Variants in TSC22D1 observed in about 807,000 individuals in gnomAD.
The protein encoded by TSC22D1 is TSC22 domain family protein 1.
In TSC22D1, 9 loss-of-function variants were observed where a neutral mutation model predicts 74.2. The observed-to-expected ratio is 0.12, with a 90% confidence interval of 0.07 to 0.21. The LOEUF (loss-of-function observed/expected upper bound fraction) is 0.21, where lower values mean the gene tolerates loss of function less well. TSC22D1 is among the 10% of genes least tolerant of loss of function. The probability of loss-of-function intolerance (pLI) is 1.00; values close to 1 mark genes in which losing one functional copy is unlikely to be tolerated. For missense variants in TSC22D1, 1,427 were observed against 1,304.7 expected (o/e 1.09, Z -1.44); for synonymous variants, 586 against 492.5 (o/e 1.19, Z -2.51).
At chr13:44,559,529 AC>A (rs1238502886) in intron 1 of TSC22D1, among the ~76,000 whole-genome samples, 4 of 151,970 alleles carry the variant, frequency 2.6e-5, no homozygotes, top group African/African-American at 9.7e-5. Context: ...AAAAAAATTA[AC>A]TTTTTTTTTC....
chr13:44,501,562 C>CCAGAGGCTA (rs148638350), intron 1 of TSC22D1, among the ~76,000 whole-genome samples: 4,242 of 152,114 alleles, frequency 0.028, 180 homozygotes, highest in African/African-American at 0.094. Flanking sequence ...GAGGCTAGGC[C>CCAGAGGCTA]GGGTGGAGGG....
At chr13:44,491,563 AAAAAAAG>A (rs1878724520) in intron 1 of TSC22D1, among the ~76,000 whole-genome samples, 1 of 151,910 alleles carries the variant, frequency 6.6e-6, no homozygotes, top group South Asian at 2.1e-4. Context: ...CAAAAAAAAA[AAAAAAAG>A]AAAAAAGAAA....
intron 1 of TSC22D1, among the ~76,000 whole-genome samples, chr13:44,526,078 G>C (rs1445455823): frequency 6.6e-6 from 1 of 152,098 alleles, no homozygotes; most frequent in Non-Finnish European, 1.5e-5. Context: ...CTCCAGCCTG[G>C]ATAACAGAGT....
intron 1 of TSC22D1, among the ~76,000 whole-genome samples, chr13:44,548,713 T>TA (rs1436572686): frequency 3.3e-5 from 5 of 152,116 alleles, no homozygotes; most frequent in African/African-American, 2.4e-5. Flanking sequence ...CTATTGAAAC[T>TA]AAAAAGCCCA....
chr13:44,570,108 C>T (rs745953283), intron 1 of TSC22D1, among the ~76,000 whole-genome samples: 3 of 151,790 alleles, frequency 2.0e-5, no homozygotes, highest in Non-Finnish European at 4.4e-5. Context: ...AATCACAAAA[C>T]ATAAAAGATG....
At chr13:44,437,996 T>C (rs79763946) in intron 1 of TSC22D1, among the ~76,000 whole-genome samples, 2,301 of 152,288 alleles carry the variant, frequency 0.015, 57 homozygotes, top group African/African-American at 0.052. Context: ...GGGTATAAAA[T>C]AGCTTAACCC....
chr13:44,432,246 AAAT>A lies in TSC22D1; in HGVS notation c.*2377_*2379del, dbSNP rs1301496559. 2 of 152,210 alleles carry A rather than the reference AAAT, an allele frequency of 1.3e-5. No individual in the cohort carries two copies. The highest frequency in any genetic ancestry group is 1.3e-4 in the Admixed American group (2 of 15,288). The allele number at this position is 152,210 out of a possible 1,614,324, so 9.4% of individuals were successfully genotyped here. On this transcript the variant is annotated 3_prime_UTR_variant, in exon 3 of 3. Transcript: ENST00000458659. ...TAATAAAAAGACCCAAAGTTCCATT[AAAT>A]AATGGAGAAAAAAACTTCTCCACCA...
chr13:44,517,879 T>TA (rs1555269422), intron 1 of TSC22D1, among the ~76,000 whole-genome samples: 1 of 120,738 alleles, frequency 8.3e-6, no homozygotes, highest in African/African-American at 3.1e-5. Context: ...TTTTTTTTTT[T>TA]AACAAGGTCT....
intron 1 of TSC22D1, among the ~76,000 whole-genome samples, chr13:44,568,616 C>T (rs916464624): frequency 2.0e-5 from 3 of 152,156 alleles, no homozygotes; most frequent in Non-Finnish European, 4.4e-5. Context: ...GAATTATAGG[C>T]GTGAGCCACC....
Position 44,574,821 on chromosome 13 carries a change from G to A in TSC22D1, c.1254C>T (p.Pro418=), listed in dbSNP as rs985200520. 20 of 1,613,940 alleles carry A rather than the reference G, an allele frequency of 1.2e-5. No individual in the cohort carries two copies. Among genetic ancestry groups the A allele is most frequent in the Non-Finnish European group, 1.5e-5 (18 of 1,180,026 alleles). ...TGCAAGTCCATCTACCTTTTTTAAA[G>A]GGCTCAGAACTAGAATCTAACTTCA... ...RVVKLDSSSE[P]FKKGRWTCTE... Residue 418 remains proline (P), a synonymous_variant, in exon 1 of 3, where the codon CCC becomes CCT. Transcript: ENST00000458659.
At chr13:44,436,398 T>C in intron 1 of TSC22D1, 1 of 1,378,858 alleles carries the variant, frequency 7.3e-7, no homozygotes, top group Non-Finnish European at 1.0e-6. Context: ...CATGTCACCA[T>C]AATCTCTCAG....
At chr13:44,441,194 C>T (rs1056593331) in intron 1 of TSC22D1, among the ~76,000 whole-genome samples, 2 of 152,180 alleles carry the variant, frequency 1.3e-5, no homozygotes, top group Non-Finnish European at 2.9e-5. Flanking sequence ...GCCCAAGCTG[C>T]AGCTGGTCTG....
intron 1 of TSC22D1, chr13:44,538,342 A>G (rs1881272157): frequency 2.0e-6 from 2 of 985,290 alleles, no homozygotes; most frequent in African/African-American, 1.7e-5. Flanking sequence ...CTAAAAGAGT[A>G]TATCCTAATA....
intron 1 of TSC22D1, among the ~76,000 whole-genome samples, chr13:44,518,010 C>T (rs1369436107): frequency 8.1e-5 from 12 of 148,132 alleles, no homozygotes; most frequent in South Asian, 2.2e-4. Flanking sequence ...ACGTGCACCA[C>T]CACGCCCAGC....
rs541816690 is a variant in TSC22D1 at position 44,487,359 on chromosome 13, C to T, written c.2913-51264G>A. Among the ~76,000 whole-genome samples, 252 of 151,456 alleles carry T rather than the reference C, an allele frequency of 1.7e-3. 1 individual carries two copies. Among genetic ancestry groups the T allele is most frequent in the African/African-American group, 5.7e-3 (234 of 41,352 alleles). On this transcript the variant is annotated intron_variant, in intron 1 of 2. Coordinates refer to ENST00000458659, the MANE Select transcript of TSC22D1 (RefSeq NM_183422.4). ...ACTAAAAATACAAAAATTAGCTGGG[C>T]GTGGTGATGCACACCTGTAACCCCA...
chr13:44,530,153 T>C (rs190308074), intron 1 of TSC22D1, among the ~76,000 whole-genome samples: 69 of 152,238 alleles, frequency 4.5e-4, no homozygotes, highest in Admixed American at 2.5e-3. Flanking sequence ...TCTCCAGACT[T>C]CAAGACTTAG....
In TSC22D1 at chr13:44,468,515, C is replaced by A. The variant is rs568932805; in HGVS notation, c.2913-32420G>T. On this transcript the variant is annotated intron_variant, in intron 1 of 2. Transcript: ENST00000458659. ...ACCTGGGACACAGAGAAGTAACTTG[C>A]CCATAGTAGATGGATCCAGGTTTCA... is the stretch of plus-strand genomic sequence containing the variant. 2.9e-4 allele frequency among the ~76,000 whole-genome samples: 43 copies of A among 149,924 alleles called. 1 individual carries two copies. The highest frequency in any genetic ancestry group is 9.2e-4 in the African/African-American group (38 of 41,320).
At chr13:44,550,408 C>T (rs1882155538) in intron 1 of TSC22D1, among the ~76,000 whole-genome samples, 1 of 151,956 alleles carries the variant, frequency 6.6e-6, no homozygotes, top group Non-Finnish European at 1.5e-5. Context: ...ATGGTGAAAT[C>T]CCATCTCTAC....
chr13:44,549,531 A>G (rs1882064743), intron 1 of TSC22D1, among the ~76,000 whole-genome samples: 1 of 152,062 alleles, frequency 6.6e-6, no homozygotes, highest in Non-Finnish European at 1.5e-5. Flanking sequence ...CCAACACATT[A>G]GGAGGCTGAG....
Sources: allele counts gnomAD v4.1 joint callset (sites outside exome capture counted in the v4.1 genomes callset), GRCh38; gene constraint gnomAD v4.1.1; transcripts MANE v1.5; gene names NCBI Gene and HGNC (gene_info 2026-07-23, HGNC 2026-07-21).